Variants in PRDM5 observed in about 807,000 individuals in gnomAD.
PRDM5 encodes the protein PR/SET domain 5, also known as PR domain zinc finger protein 5.
A neutral mutation model predicts 81.2 loss-of-function variants in PRDM5; 56 were observed. That is an observed-to-expected ratio of 0.69 (90% CI 0.56 to 0.86). The LOEUF is 0.86. Ranked by LOEUF, PRDM5 falls within the 40% of genes least tolerant of loss-of-function variation. The pLI, the probability that PRDM5 is intolerant of heterozygous loss-of-function variation, is 0.00. For synonymous variants in PRDM5, 267 were observed against 256.4 expected (o/e 1.04, Z -0.39); for missense variants, 697 against 770.1 (o/e 0.91, Z 1.12).
intron 4 of PRDM5, 73 bp downstream of exon 4, chr4:120,821,098 T>C: frequency 6.6e-7 from 1 of 1,516,052 alleles, no homozygotes; most frequent in Non-Finnish European, 9.2e-7. Context: ...GCAACTATAA[T>C]TCAACCACAG....
intron 2 of PRDM5, among the ~76,000 whole-genome samples, chr4:120,856,162 C>T (rs1759855549): frequency 6.6e-6 from 1 of 152,150 alleles, no homozygotes; most frequent in Admixed American, 6.6e-5. Flanking sequence ...TAGACATATG[C>T]ACTTCCTGTC....
rs6822267 is a variant in PRDM5 at position 120,801,704 on chromosome 4, G to A, written c.946-1959C>T. Among the ~76,000 whole-genome samples, 573 of 152,290 alleles carry A rather than the reference G, an allele frequency of 3.8e-3. 7 individuals are homozygous for A. Among genetic ancestry groups the A allele is most frequent in the Non-Finnish European group, 2.4e-3 (166 of 68,032 alleles). ...GTGTTTGGAATGCTAGTGCTCCAGAGCAGACAAGAAAAACTTCCAGCCTGA... is the reference window on the plus strand; with the variant it reads ...GTGTTTGGAATGCTAGTGCTCCAGAACAGACAAGAAAAACTTCCAGCCTGA... On this transcript the variant is annotated intron_variant, in intron 8 of 15. Transcript: ENST00000264808.
chr4:120,711,983 A>T (rs1578440869), intron 14 of PRDM5, among the ~76,000 whole-genome samples: 1 of 152,272 alleles, frequency 6.6e-6, no homozygotes, highest in Non-Finnish European at 1.5e-5. Context: ...ATCTTCAAAA[A>T]TATTGCTATA....
At chr4:120,849,189 A>G (rs987504134) in intron 3 of PRDM5, among the ~76,000 whole-genome samples, 3 of 152,168 alleles carry the variant, frequency 2.0e-5, no homozygotes, top group African/African-American at 7.2e-5. Context: ...TTGGTAGCTT[A>G]GTGACAATGG....
intron 8 of PRDM5, among the ~76,000 whole-genome samples, chr4:120,802,130 T>C (rs1173478156): frequency 2.6e-5 from 4 of 152,190 alleles, no homozygotes; most frequent in East Asian, 3.8e-4. Context: ...TTTTTCAAGG[T>C]TGAATTGAAC....
intron 3 of PRDM5, among the ~76,000 whole-genome samples, chr4:120,852,011 C>A (rs899746253): frequency 3.3e-5 from 5 of 152,086 alleles, no homozygotes; most frequent in Non-Finnish European, 2.9e-5. Flanking sequence ...TGTAATCAGT[C>A]AATTATCTGC....
chr4:120,720,758 T>C (rs1204636363), intron 14 of PRDM5, among the ~76,000 whole-genome samples: 1 of 152,246 alleles, frequency 6.6e-6, no homozygotes, highest in East Asian at 1.9e-4. Flanking sequence ...AACATACCCA[T>C]GGCCTAGTAA....
chr4:120,819,147 T>G (rs577057261), intron 4 of PRDM5, among the ~76,000 whole-genome samples: 10 of 152,338 alleles, frequency 6.6e-5, no homozygotes, highest in African/African-American at 2.2e-4. Flanking sequence ...AAGAGACAAC[T>G]GTCATAATAT....
chr4:120,797,020 C>G (rs1751435805), intron 10 of PRDM5, among the ~76,000 whole-genome samples: 1 of 152,092 alleles, frequency 6.6e-6, no homozygotes, highest in Non-Finnish European at 1.5e-5. Flanking sequence ...TTCCTGAATT[C>G]AATTCAAGCA....
At position 120,781,281 on chromosome 4, in the gene PRDM5, A is replaced by C. The variant is rs1177252653; in HGVS notation, c.1305T>G (p.His435Gln). ...IHNSERTFKC[H>Q]HCDATFKRKD... is the part of the protein sequence containing the mutation. ...TCCTCTTAAAGGTAGCATCGCAGTG[A>C]TGGCACTTGAAAGTCCTCTCACCTT... Residue 435 changes from histidine to glutamine, a missense_variant, in exon 12 of 16, where the codon CAT (histidine) becomes CAG (glutamine). Physicochemically the swap from His to Gln is conservative, Grantham distance 24 (BLOSUM62 0). This residue lies in a region of PRDM5 where 577 missense variants were observed against 606.7 expected (regional missense o/e 0.95). Transcript: ENST00000264808. 1 of 1,613,192 alleles carries C rather than the reference A, an allele frequency of 6.2e-7. No homozygotes were observed.
intron 10 of PRDM5, among the ~76,000 whole-genome samples, chr4:120,791,896 A>T (rs1750630063): frequency 6.6e-6 from 1 of 152,198 alleles, no homozygotes; most frequent in South Asian, 2.1e-4. Context: ...CCCTCATGTG[A>T]GGATACAAGA....
chr4:120,825,992 C>T (rs1459279857), intron 3 of PRDM5, among the ~76,000 whole-genome samples: 1 of 152,076 alleles, frequency 6.6e-6, no homozygotes, highest in Non-Finnish European at 1.5e-5. Flanking sequence ...ACCCATCATG[C>T]TCTCCAAAAT....
intron 8 of PRDM5, among the ~76,000 whole-genome samples, chr4:120,805,937 A>G (rs531978740): frequency 1.3e-5 from 2 of 152,232 alleles, no homozygotes; most frequent in African/African-American, 4.8e-5. Context: ...ACATGACTGT[A>G]TATCTAGAAA....
At chr4:120,885,134 C>CAAAAAAAAAAAAA (rs60623556) in intron 2 of PRDM5, among the ~76,000 whole-genome samples, 17 of 50,546 alleles carry the variant, frequency 3.4e-4, no homozygotes, top group East Asian at 5.6e-4. Context: ...GACTCCGTAT[C>CAAAAAAAAAAAAA]AAAAAAAAAA....
intron 3 of PRDM5, among the ~76,000 whole-genome samples, chr4:120,852,257 AC>A (rs568064496): frequency 3.9e-5 from 6 of 152,218 alleles, no homozygotes; most frequent in Non-Finnish European, 8.8e-5. Context: ...GTGATGGTTA[AC>A]TTTACATGTT....
At chr4:120,831,096 A>G (rs1373969843) in intron 3 of PRDM5, among the ~76,000 whole-genome samples, 2 of 152,030 alleles carry the variant, frequency 1.3e-5, no homozygotes, top group African/African-American at 4.8e-5. Context: ...TCACTTTTTT[A>G]TTTAAAAATA....
At chr4:120,770,106 C>T (rs1747040818) in intron 13 of PRDM5, among the ~76,000 whole-genome samples, 1 of 152,078 alleles carries the variant, frequency 6.6e-6, no homozygotes, top group Non-Finnish European at 1.5e-5. Context: ...GATCTTGGTT[C>T]ACTGCAACCT....
chr4:120,850,365 C>T (rs1759121906), intron 3 of PRDM5, among the ~76,000 whole-genome samples: 1 of 152,058 alleles, frequency 6.6e-6, no homozygotes, highest in South Asian at 2.1e-4. Context: ...TCATTCCAAC[C>T]AATTAGAAGG....
chr4:120,734,421 T>TACACACACAC (rs149559268), intron 14 of PRDM5, among the ~76,000 whole-genome samples: 4,190 of 138,036 alleles, frequency 0.03, 84 homozygotes, highest in African/African-American at 0.041. Context: ...CACACACAAA[T>TACACACACAC]ACACACACAC....
Sources: allele counts gnomAD v4.1 joint callset (sites outside exome capture counted in the v4.1 genomes callset), GRCh38; gene constraint gnomAD v4.1.1; regional missense constraint gnomAD v4.1.1; transcripts MANE v1.5; gene names NCBI Gene and HGNC (gene_info 2026-07-23, HGNC 2026-07-21).